Variants in PELP1 observed in about 807,000 individuals in gnomAD.
The protein encoded by PELP1 is proline-, glutamic acid- and leucine-rich protein 1.
Under a neutral mutation model 95.5 loss-of-function variants are expected in PELP1, and 32 were observed. The observed-to-expected ratio is 0.34, with a 90% CI of 0.25 to 0.45. PELP1 has a LOEUF of 0.45. Ranked by LOEUF, PELP1 falls within the 20% of genes least tolerant of loss-of-function variation. The pLI, the probability that PELP1 is intolerant of heterozygous loss-of-function variation, is 1.00. For synonymous variants in PELP1, 668 were observed against 600.1 expected, an observed-to-expected ratio of 1.11 and a Z score of -1.65; for missense variants, 1,358 against 1,444.8, an observed-to-expected ratio of 0.94 and a Z score of 0.97.
In PELP1 at chr17:4,703,978, A is replaced by T; in HGVS notation, c.134T>A (p.Leu45Gln). The T allele has an allele frequency of 1.2e-6, 2 of 1,613,550 alleles. No individual in the cohort carries two copies. Among genetic ancestry groups the T allele is most frequent in the Non-Finnish European group, 1.7e-6 (2 of 1,179,728 alleles). ...LLLLESVSGL[L>Q]QPRTGSAVAP... ...AACGGCAGACCCCGTTCGAGGTTGC[A>T]GCAAACCAGAAACACTCTCCAGCAG... Residue 45 changes from leucine to glutamine, a missense_variant, in exon 1 of 17, where the codon CTG becomes CAG. Leu to Gln is a moderately radical substitution (Grantham distance 113, BLOSUM62 -2). Coordinates refer to ENST00000572293, the MANE Select transcript of PELP1 (RefSeq NM_014389.3).
Position 4,682,129 on chromosome 17 carries a change from C to T in PELP1, c.642+373G>A, listed in dbSNP as rs1318744455. ...GAGCCAAGTGTGTGCCACTGCACCC[C>T]AGCCTGGACAACAGAGTAAGACCCT... On this transcript the variant is annotated intron_variant, in intron 5 of 16. Transcript: ENST00000572293. Among the ~76,000 whole-genome samples, 7 of 152,168 alleles carry T rather than the reference C, an allele frequency of 4.6e-5. No individual in the cohort carries two copies. The South Asian group carries it at 6.2e-4, about 13-fold the overall frequency.
In PELP1 at chr17:4,674,957, CTG is replaced by C. The variant is rs745497355; in HGVS notation, c.1275-3_1275-2del. 21 of 1,609,438 alleles carry C rather than the reference CTG, an allele frequency of 1.3e-5. No homozygotes were observed. The African/African-American group carries it at 2.3e-4, about 17-fold the overall frequency. On this transcript the variant is annotated splice_acceptor_variant and splice_polypyrimidine_tract_variant and intron_variant, in intron 11 of 16. Coordinates refer to ENST00000572293, the MANE Select transcript of PELP1 (RefSeq NM_014389.3). LOFTEE classifies it high-confidence loss of function. Reference sequence around the variant, plus strand: ...CGCATACACCTTGGTCCGAACCGTGCTGTGTCATGAGCAAAGATGGCAGTTAT... The same window carrying C: ...CGCATACACCTTGGTCCGAACCGTGCTGTCATGAGCAAAGATGGCAGTTAT...
In PELP1 at chr17:4,675,330, C is replaced by A. The variant is rs1341516080; in HGVS notation, c.1101G>T (p.Leu367=). 6.4e-7 allele frequency: 1 copy of A among 1,559,680 alleles called. No individual in the cohort carries two copies. The highest frequency in any genetic ancestry group is 1.9e-5 in the Admixed American group (1 of 51,612). Residue 367 remains leucine, a synonymous_variant, in exon 10 of 17, where the codon CTG becomes CTT. Transcript: ENST00000572293. The surrounding 1 kb of genome is among the most constrained non-coding windows in gnomAD (Gnocchi z 4.3). ...SLHGDGPLRL[L]LLPSIHLEAL... ...CCTCAAGGTGGATAGAGGGCAGCAGCAGCAGCCGCAGGGGACCATCTCCAT... is the reference window on the plus strand; with the variant it reads ...CCTCAAGGTGGATAGAGGGCAGCAGAAGCAGCCGCAGGGGACCATCTCCAT...
Position 4,673,010 on chromosome 17 carries a change from T to C in PELP1, c.1981A>G (p.Arg661Gly), listed in dbSNP as rs765763814. The C allele has an allele frequency of 3.2e-6, 5 of 1,541,566 alleles. No homozygotes were observed. The Admixed American group carries it at 1.0e-4, about 31-fold the overall frequency. The change falls in exon 16 of 17, where the codon AGG (arginine) becomes GGG (glycine). Residue 661 changes from arginine (R) to glycine (G), a missense_variant. Physicochemically the swap from Arg to Gly is moderately radical, Grantham distance 125. Transcript: ENST00000572293. This position sits in a 1 kb window ranked among gnomAD's most constrained non-coding sequence, Gnocchi z 5.7. ...CCCGGAGGATGGAACGGTGGGGCCC[T>C]GAAGGGCGATGGGGCCTCAGGAGGG... ...VPPPEAPSPF[R>G]APPFHPPGPM...
rs562951714 is a variant in PELP1 at position 4,688,192 on chromosome 17, G to A, written c.420+2696C>T. Among the ~76,000 whole-genome samples, 39 of 152,168 alleles carry A rather than the reference G, an allele frequency of 2.6e-4. 1 individual carries two copies. The South Asian group carries it at 6.0e-3, about 23-fold the overall frequency. On this transcript the variant is annotated intron_variant, in intron 3 of 16. Coordinates refer to ENST00000572293, the MANE Select transcript of PELP1 (RefSeq NM_014389.3). ...TCTACTAAAAATACAAACATTAGCC[G>A]GGCGGGGTGGCAGGCACCTGTAATC...
chr17:4,704,133 G>C lies in PELP1; in HGVS notation c.-22C>G, dbSNP rs770520144. The C allele has an allele frequency of 1.0e-5, 16 of 1,597,046 alleles. No individual in the cohort carries two copies. In the African/African-American group the frequency reaches 2.1e-4, roughly 21 times the overall value. ...CCATCTTCCCCCGGGTTCCAGTGGT[G>C]GCGTGGCGCGATGACGCAAACACAC... On this transcript the variant is annotated 5_prime_UTR_variant, in exon 1 of 17. Coordinates refer to ENST00000572293, the MANE Select transcript of PELP1 (RefSeq NM_014389.3).
chr17:4,693,892 G>T (rs1296803830), intron 1 of PELP1, among the ~76,000 whole-genome samples: 2 of 152,130 alleles, frequency 1.3e-5, no homozygotes, highest in Non-Finnish European at 2.9e-5. Context: ...TGCATAAAAG[G>T]CCATAAATAG....
chr17:4,681,324 C>T (rs1912676994), intron 5 of PELP1, among the ~76,000 whole-genome samples: 1 of 151,758 alleles, frequency 6.6e-6, no homozygotes, highest in Admixed American at 6.6e-5. Context: ...GTCTCTACAA[C>T]AAATATAAAA....
In PELP1 at chr17:4,673,046, C is replaced by T; in HGVS notation, c.1945G>A (p.Ala649Thr). ...GGGGCCTCAGGAGGGGGAACTGGAG[C>T]AGGTGTGGGGCAGGTGGGGCCCATG... ...QPMGPTCPTP[A>T]PVPPPEAPSP... is the part of the protein sequence containing the mutation. The change falls in exon 16 of 17, where the codon GCT becomes ACT. Residue 649 changes from alanine (A) to threonine (T), a missense_variant. By Grantham distance (58) the Ala-to-Thr change is moderately conservative. Around this residue, in one of 7 missense-constraint regions of PELP1, gnomAD observed 340 missense variants for 322.9 expected, o/e 1.05. Coordinates refer to ENST00000572293, the MANE Select transcript of PELP1 (RefSeq NM_014389.3). The surrounding 1 kb of genome is among the most constrained non-coding windows in gnomAD (Gnocchi z 5.7). 6.5e-7 allele frequency: 1 copy of T among 1,528,540 alleles called. No homozygotes were observed. Among genetic ancestry groups the T allele is most frequent in the Non-Finnish European group, 8.8e-7 (1 of 1,140,436 alleles). 94.7% of individuals were successfully genotyped at this position (1,528,540 alleles called of 1,614,324 possible). A position where few individuals can be genotyped will look rare whatever the true frequency, so the allele number is the denominator to read the frequency against.
chr17:4,682,740 A>T (rs1053276118), intron 4 of PELP1, 63 bp downstream of exon 4: 115 of 1,491,018 alleles, frequency 7.7e-5, no homozygotes, highest in Non-Finnish European at 9.6e-5. Flanking sequence ...TCAAACAATT[A>T]AACAGTGTGT....
rs200044611 is a variant in PELP1 at position 4,675,865 on chromosome 17, C to T, written c.1000G>A (p.Val334Met). The T allele has an allele frequency of 1.8e-5, 28 of 1,591,820 alleles. No homozygotes were observed. The African/African-American group carries it at 3.2e-4, about 18-fold the overall frequency. ...AGGATTTCCTGCACAGGGACGGACACGGGAGCTCCAAACTCAGAGCTAAAG... is the reference window on the plus strand; with the variant it reads ...AGGATTTCCTGCACAGGGACGGACATGGGAGCTCCAAACTCAGAGCTAAAG... ...LMLSSEFGAP[V>M]SVPVQEILDF... Residue 334 changes from valine to methionine, a missense_variant, in exon 9 of 17, where the codon GTG becomes ATG. Physicochemically the swap from Val to Met is conservative, Grantham distance 21. Coordinates refer to ENST00000572293, the MANE Select transcript of PELP1 (RefSeq NM_014389.3). The surrounding 1 kb of genome is among the most constrained non-coding windows in gnomAD (Gnocchi z 4.3).
chr17:4,672,288 CTCTTCT>C lies in PELP1; in HGVS notation c.2697_2702del (p.Glu907_Glu908del), dbSNP rs559608745. On this transcript the variant is annotated inframe_deletion, in exon 16 of 17. Transcript: ENST00000572293. ...AGTCTTCCTCCTCTTCCTCTTCTTC[CTCTTCT>C]TCTTCTTCCTCTTCTTCCTCTTCCT... 4.2e-5 allele frequency: 65 copies of C among 1,549,222 alleles called. No individual in the cohort carries two copies. The highest frequency in any genetic ancestry group is 9.7e-5 in the East Asian group (4 of 41,074).
intron 1 of PELP1, among the ~76,000 whole-genome samples, chr17:4,702,017 G>A (rs933722919): frequency 2.0e-5 from 3 of 152,172 alleles, no homozygotes; most frequent in Non-Finnish European, 4.4e-5. Flanking sequence ...AAGACGTTAA[G>A]TTCATGTAGT....
At chr17:4,689,899 G>A (rs551350628) in intron 3 of PELP1, among the ~76,000 whole-genome samples, 7 of 152,270 alleles carry the variant, frequency 4.6e-5, no homozygotes, top group Admixed American at 6.5e-5. Flanking sequence ...GGTGGCGCAC[G>A]CTTGTAATCC....
At position 4,676,057 on chromosome 17, in the gene PELP1, C is replaced by T. The variant is rs747418545; in HGVS notation, c.959G>A (p.Arg320His). ...QLRQRFSGLA[R>H]CLGLMLSSEF... The stretch of plus-strand genomic sequence containing the variant: ...ACACCTGAGCATGAGCCCTAGGCAG[C>T]GGGCCAGTCCCGAAAACCTCTGCCG... The change falls in exon 8 of 17, where the codon CGC (arginine) becomes CAC (histidine). Residue 320 changes from arginine to histidine, a missense_variant. Arg to His is a conservative substitution (Grantham distance 29). Around this residue, in one of 7 missense-constraint regions of PELP1, gnomAD observed 538 missense variants for 628.1 expected, o/e 0.86. Coordinates refer to ENST00000572293, the MANE Select transcript of PELP1 (RefSeq NM_014389.3). 5 of 1,613,784 alleles carry T rather than the reference C, an allele frequency of 3.1e-6. No homozygotes were observed. The African/African-American group carries it at 4.0e-5, about 13-fold the overall frequency.
chr17:4,702,578 A>G (rs1269688386), intron 1 of PELP1, among the ~76,000 whole-genome samples: 3 of 152,226 alleles, frequency 2.0e-5, no homozygotes, highest in African/African-American at 7.2e-5. Context: ...GGGCTGAGAT[A>G]GCAGAGATAT....
chr17:4,676,399 G>C lies in PELP1; in HGVS notation c.811C>G (p.Leu271Val), dbSNP rs759844217. 1.2e-6 allele frequency: 2 copies of C among 1,613,546 alleles called. No homozygotes were observed. Among genetic ancestry groups the C allele is most frequent in the Non-Finnish European group, 1.7e-6 (2 of 1,179,726 alleles). Residue 271 changes from leucine to valine, a missense_variant, in exon 7 of 17, where the codon CTG becomes GTG. This residue lies in a region of PELP1 where 538 missense variants were observed against 628.1 expected (regional missense o/e 0.86). Transcript: ENST00000572293. ...TACAGGGCCCCCAGCAGGGTGTGCA[G>C]TGAGGCCAGCAGACTGTGTAGCTCC... ...EQELHSLLAS[L>V]HTLLGALYEG...
intron 3 of PELP1, among the ~76,000 whole-genome samples, chr17:4,687,490 C>G (rs1188637414): frequency 1.1e-4 from 10 of 92,608 alleles, no homozygotes; most frequent in Non-Finnish European, 2.1e-4. Flanking sequence ...CACAGCAAGA[C>G]TCCATCTCAA....
intron 1 of PELP1, among the ~76,000 whole-genome samples, chr17:4,699,598 G>C (rs925418167): frequency 6.6e-6 from 1 of 152,086 alleles, no homozygotes; most frequent in Non-Finnish European, 1.5e-5. Context: ...TGATTTGTTT[G>C]TTTTTTGAGA....
Sources: gnomAD v4.1 joint callset for allele counts (sites outside exome capture counted in the v4.1 genomes callset) on GRCh38, gnomAD v4.1.1 for gene constraint, gnomAD v4.1.1 regional missense constraint, Gnocchi (gnomAD v3.1) non-coding constraint, MANE v1.5 for transcripts, NCBI Gene and HGNC (gene_info 2026-07-23, HGNC 2026-07-21) for gene names.